XRN2: variants seen among roughly 807,000 people sequenced by gnomAD.
The protein encoded by XRN2 is DHM1-like protein.
In XRN2, 44 loss-of-function variants were observed where a neutral mutation model predicts 138.5. That is an observed-to-expected ratio of 0.32 (90% CI 0.25 to 0.41). XRN2 has a LOEUF of 0.41. Ranked by LOEUF, XRN2 falls within the 10% of genes least tolerant of loss-of-function variation. XRN2 has a pLI of 1.00. For synonymous variants in XRN2, 354 were observed against 369.4 expected (o/e 0.96, Z 0.48); for missense variants, 937 against 1,169.3 (o/e 0.80, Z 2.90).
intron 26 of XRN2, 105 bp downstream of exon 26, chr20:21,365,809 A>AT (rs1245414060): frequency 6.8e-4 from 20 of 29,228 alleles, no homozygotes; most frequent in African/African-American, 2.5e-3. Flanking sequence ...CATATATATA[A>AT]TATATGATTA....
At chr20:21,308,823 G>A (rs2037839085) in intron 1 of XRN2, among the ~76,000 whole-genome samples, 2 of 152,090 alleles carry the variant, frequency 1.3e-5, no homozygotes, top group Admixed American at 1.3e-4. Context: ...AAATTTTAAT[G>A]AAGTCTGATT....
chr20:21,350,433 GGA>G (rs1408003944), intron 20 of XRN2, among the ~76,000 whole-genome samples: 10 of 146,434 alleles, frequency 6.8e-5, no homozygotes, highest in African/African-American at 2.3e-4. Context: ...GGCAGAGGCA[GGA>G]GAATGGCGTG....
At chr20:21,370,556 C>G (rs2038749990) in intron 27 of XRN2, among the ~76,000 whole-genome samples, 1 of 152,146 alleles carries the variant, frequency 6.6e-6, no homozygotes, top group Admixed American at 6.5e-5. Flanking sequence ...GTGTCCCTTT[C>G]TTGATTCAAA....
intron 15 of XRN2, among the ~76,000 whole-genome samples, chr20:21,341,209 A>G (rs1047885050): frequency 2.6e-5 from 4 of 152,192 alleles, no homozygotes; most frequent in African/African-American, 9.7e-5. Context: ...TAGGGTGGTG[A>G]ATGGTTCTAG....
At chr20:21,375,486 G>T (rs1189893335) in intron 27 of XRN2, among the ~76,000 whole-genome samples, 2 of 151,466 alleles carry the variant, frequency 1.3e-5, no homozygotes, top group African/African-American at 4.8e-5. Flanking sequence ...CACAAAGTTT[G>T]GTCTCACATA....
intron 14 of XRN2, 59 bp downstream of exon 14, chr20:21,339,147 A>C: frequency 6.6e-7 from 1 of 1,514,988 alleles, no homozygotes; most frequent in Non-Finnish European, 9.1e-7. Flanking sequence ...TTTATGAGGA[A>C]GATGTTCATT....
chr20:21,350,955 T>C (rs1600700718), intron 20 of XRN2, among the ~76,000 whole-genome samples: 1 of 152,194 alleles, frequency 6.6e-6, no homozygotes, highest in East Asian at 1.9e-4. Context: ...TTCAAGGTGC[T>C]TTGTGGAGGA....
At chr20:21,375,045 G>GT (rs2038805338) in intron 27 of XRN2, among the ~76,000 whole-genome samples, 1 of 82,632 alleles carries the variant, frequency 1.2e-5, no homozygotes, top group Admixed American at 1.7e-4. Context: ...TGGTGGGAAT[G>GT]TGCCCATTCT....
chr20:21,316,294 G>C (rs764068855), intron 1 of XRN2, among the ~76,000 whole-genome samples: 142 of 152,338 alleles, frequency 9.3e-4, no homozygotes, highest in Non-Finnish European at 1.7e-3. Context: ...TTTTGATGAT[G>C]AAGTGCAGTT....
intron 13 of XRN2, among the ~76,000 whole-genome samples, chr20:21,338,298 C>T (rs1276442294): frequency 6.6e-6 from 1 of 152,016 alleles, no homozygotes; most frequent in Non-Finnish European, 1.5e-5. Flanking sequence ...TGCGAATGGC[C>T]CAGAGTTAGT....
chr20:21,360,984 A>G (rs544502441), intron 24 of XRN2, among the ~76,000 whole-genome samples: 5 of 152,342 alleles, frequency 3.3e-5, no homozygotes, highest in Admixed American at 2.6e-4. Context: ...TAATTATGGA[A>G]TGTATCAGGG....
intron 21 of XRN2, among the ~76,000 whole-genome samples, chr20:21,355,859 T>A (rs2122278559): frequency 6.6e-6 from 1 of 152,294 alleles, no homozygotes; most frequent in South Asian, 2.1e-4. Flanking sequence ...ACAGTTTCTT[T>A]CTTCTATTTT....
chr20:21,344,045 A>G, intron 15 of XRN2, 45 bp from the exon 16 acceptor site: 3 of 1,443,018 alleles, frequency 2.1e-6, no homozygotes, highest in Non-Finnish European at 2.9e-6. Context: ...CTTATGTAAA[A>G]TGAATAATGA....
Position 21,381,856 on chromosome 20 carries a change from G to A in XRN2, c.2585-138G>A. 2 of 613,236 alleles carry A rather than the reference G, an allele frequency of 3.3e-6. 1 individual carries two copies. Among genetic ancestry groups the A allele is most frequent in the South Asian group, 5.9e-5 (2 of 34,144 alleles). The allele number at this position is 613,236 out of a possible 1,614,324, so 38.0% of individuals were successfully genotyped here. ...ACTTACCTTTTTACATTTGTGGTGTGTGTTATTATGATACTAGTTTATTTG... is the reference window on the plus strand; with the variant it reads ...ACTTACCTTTTTACATTTGTGGTGTATGTTATTATGATACTAGTTTATTTG... On this transcript the variant is annotated intron_variant, in intron 27 of 29. Coordinates refer to ENST00000377191, the MANE Select transcript of XRN2 (RefSeq NM_012255.5).
chr20:21,331,424 C>G (rs1431143033), intron 6 of XRN2, 137 bp from the exon 7 acceptor site: 1 of 694,736 alleles, frequency 1.4e-6, no homozygotes, highest in East Asian at 2.8e-5. Context: ...CACACACACA[C>G]ACACACACAC....
intron 1 of XRN2, among the ~76,000 whole-genome samples, chr20:21,312,632 C>CA (rs2037898326): frequency 7.7e-6 from 1 of 129,534 alleles, no homozygotes; most frequent in Non-Finnish European, 1.6e-5. Context: ...TTTTTGAAGA[C>CA]AGAGTCTTGC....
chr20:21,313,441 A>C (rs2122168362), intron 1 of XRN2, among the ~76,000 whole-genome samples: 1 of 152,332 alleles, frequency 6.6e-6, no homozygotes, highest in Non-Finnish European at 1.5e-5. Flanking sequence ...TTAAAAATAA[A>C]TTTCAGTGAG....
rs1202411171 is a variant in XRN2, at chr20:21,305,814, A to G, written c.75+2341A>G. 4.7e-5 allele frequency among the ~76,000 whole-genome samples: 3 copies of G among 63,728 alleles called. 1 individual carries two copies. The highest frequency in any genetic ancestry group is 1.3e-4 in the African/African-American group (3 of 23,256). The allele number at this position is 63,728 out of a possible 152,430, so 41.8% of individuals were successfully genotyped here. A position where few individuals can be genotyped will look rare whatever the true frequency, so the allele number is the denominator to read the frequency against. ...AGGCTGGAGTGCAGTGGCTCAATCA[A>G]TCTCGGCTCACTGCAAGCTCCGCCT... On this transcript the variant is annotated intron_variant, in intron 1 of 29. Transcript: ENST00000377191.
chr20:21,310,901 C>A (rs560736589), intron 1 of XRN2, among the ~76,000 whole-genome samples: 1 of 151,914 alleles, frequency 6.6e-6, no homozygotes, highest in Non-Finnish European at 1.5e-5. Context: ...CCCGCCACCA[C>A]GCCCGGCAAA....
Sources: allele counts gnomAD v4.1 joint callset (sites outside exome capture counted in the v4.1 genomes callset), GRCh38; gene constraint gnomAD v4.1.1; transcripts MANE v1.5; gene names NCBI Gene and HGNC (gene_info 2026-07-23, HGNC 2026-07-21).